The following RP1 variants were observed in gnomAD, a reference collection of about 807,000 sequenced individuals.
The protein encoded by RP1 is oxygen-regulated protein 1.
Under a neutral mutation model 14.8 loss-of-function variants are expected in RP1, and 16 were observed. The ratio of observed to expected loss-of-function variants is 1.08; its 90% CI spans 0.73 to 1.65. The LOEUF (loss-of-function observed/expected upper bound fraction) is 1.65. Ranked by LOEUF, RP1 falls within the 40% of genes most tolerant of loss-of-function variation. The probability of loss-of-function intolerance (pLI) is 0.00; values close to 1 mark genes in which losing one functional copy is unlikely to be tolerated. For synonymous variants in RP1, 876 were observed against 883.6 expected, an observed-to-expected ratio of 0.99 and a Z score of 0.15; for missense variants, 2,631 against 2,535.0, an observed-to-expected ratio of 1.04 and a Z score of -0.81.
At chr8:54,825,467 T>C (rs565244249) in intron 24 of RP1, among the ~76,000 whole-genome samples, 1 of 152,280 alleles carries the variant, frequency 6.6e-6, no homozygotes, top group African/African-American at 2.4e-5. Flanking sequence ...AGTGATAAAT[T>C]GGGCTTCATC....
chr8:54,778,311 G>GCTT (rs1444824215), intron 23 of RP1, among the ~76,000 whole-genome samples: 2 of 133,482 alleles, frequency 1.5e-5, no homozygotes, highest in African/African-American at 5.5e-5. Context: ...GTTTGTTAAT[G>GCTT]CTTCTTCTTC....
At chr8:54,603,945 C>T (rs7813766) in intron 1 of RP1, among the ~76,000 whole-genome samples, 43,685 of 151,822 alleles carry the variant, frequency 0.29, 7,666 homozygotes, top group Middle Eastern at 0.48. Flanking sequence ...GGGACTGAGA[C>T]GATGGGGTTT....
intron 1 of RP1, among the ~76,000 whole-genome samples, chr8:54,605,717 G>T (rs1334599260): frequency 6.6e-6 from 1 of 152,114 alleles, no homozygotes; most frequent in African/African-American, 2.4e-5. Flanking sequence ...ATGAATCTGG[G>T]TGCTCCTGTA....
At chr8:54,714,654 T>C (rs1469522746) in intron 15 of RP1, among the ~76,000 whole-genome samples, 2 of 152,096 alleles carry the variant, frequency 1.3e-5, no homozygotes, top group Non-Finnish European at 2.9e-5. Flanking sequence ...CTCCAAAAAT[T>C]TGGGGGAGGT....
intron 1 of RP1, among the ~76,000 whole-genome samples, chr8:54,603,848 T>G (rs1252135638): frequency 6.6e-6 from 1 of 152,218 alleles, no homozygotes; most frequent in Non-Finnish European, 1.5e-5. Flanking sequence ...TTGTCTGTTA[T>G]TGGTGTATAA....
At chr8:54,633,375 T>C (rs1806285751), downstream of RP1, among the ~76,000 whole-genome samples, 3 of 152,082 alleles carry the variant, frequency 2.0e-5, no homozygotes, top group South Asian at 2.1e-4. Flanking sequence ...GTTCAGTGGA[T>C]AGGGGTAATT....
chr8:54,809,731 T>C (rs533895437), intron 24 of RP1, among the ~76,000 whole-genome samples: 3 of 152,232 alleles, frequency 2.0e-5, no homozygotes, highest in Admixed American at 1.3e-4. Flanking sequence ...AAGGACTACA[T>C]GCATGCCATT....
intron 1 of RP1, among the ~76,000 whole-genome samples, chr8:54,602,239 A>C (rs1444123570): frequency 6.6e-6 from 1 of 151,418 alleles, no homozygotes; most frequent in Non-Finnish European, 1.5e-5. Context: ...TTCTGTGTCC[A>C]TGTGTTCTCA....
Position 54,852,625 on chromosome 8 carries a change from CAG to C in RP1, c.3890_3891del (p.Glu1297ValfsTer2), listed in dbSNP as rs1563396543. On this transcript the variant is annotated frameshift_variant, in exon 26 of 29. Coordinates refer to the RP1 transcript ENST00000637698. LOFTEE classifies it high-confidence loss of function. The stretch of plus-strand genomic sequence containing the variant: ...ACAGGCACAATGACAGGTGCAGAAA[CAG>C]AGTCTAATGTATTTATCAACCTCAT... 4.1e-6 allele frequency: 5 copies of C among 1,231,890 alleles called. No individual in the cohort carries two copies. The East Asian group carries it at 9.5e-5, about 23-fold the overall frequency. The allele number at this position is 1,231,890 out of a possible 1,614,324, so 76.3% of individuals were successfully genotyped here. A position where few individuals can be genotyped will look rare whatever the true frequency, so the allele number is the denominator to read the frequency against.
chr8:54,619,327 T>C (rs1035868014), intron 1 of RP1, among the ~76,000 whole-genome samples: 9 of 152,192 alleles, frequency 5.9e-5, no homozygotes, highest in African/African-American at 1.7e-4. Flanking sequence ...AACATTTAAG[T>C]AGATAATTTG....
intron 1 of RP1, among the ~76,000 whole-genome samples, chr8:54,603,905 C>T (rs1380246814): frequency 6.6e-6 from 1 of 152,160 alleles, no homozygotes; most frequent in Non-Finnish European, 1.5e-5. Flanking sequence ...TGAGACTTTG[C>T]TGAAGTTGCC....
rs1806077029 is a variant in RP1, at chr8:54,626,976, A to G, written c.3094A>G (p.Asn1032Asp). 6.2e-7 allele frequency: 1 copy of G among 1,613,880 alleles called. No homozygotes were observed. Among genetic ancestry groups the G allele is most frequent in the African/African-American group, 1.3e-5 (1 of 74,904 alleles). The change falls in exon 4 of 4, where the codon AAT becomes GAT. Residue 1032 changes from asparagine to aspartate, a missense_variant. Physicochemically the swap from Asn to Asp is conservative, Grantham distance 23. Transcript: ENST00000220676. ...CTGTACTTTGTCACAGTCAGCTATTAATGATCATAATACTAAAAGTCATAT... is the reference window on the plus strand; with the variant it reads ...CTGTACTTTGTCACAGTCAGCTATTGATGATCATAATACTAAAAGTCATAT... ...EHCTLSQSAINDHNTKSHIAA... is the reference protein window; with the variant it reads ...EHCTLSQSAIDDHNTKSHIAA...
intron 24 of RP1, among the ~76,000 whole-genome samples, chr8:54,835,045 C>T (rs772941777): frequency 5.3e-5 from 8 of 152,102 alleles, no homozygotes; most frequent in Non-Finnish European, 1.0e-4. Flanking sequence ...AAAAATACTA[C>T]AGTTTCATGT....
chr8:54,801,929 A>G (rs1398532120), intron 24 of RP1, among the ~76,000 whole-genome samples: 2 of 152,182 alleles, frequency 1.3e-5, no homozygotes, highest in Non-Finnish European at 2.9e-5. Flanking sequence ...TCTTTGTTGT[A>G]AAAGTGACTC....
At position 54,665,354 on chromosome 8, in the gene RP1, A is replaced by G. The variant is rs148149942; in HGVS notation, c.1323+1504A>G. ...AATAGACCTCACTGATCAACTTGGC[A>G]GAGATTAAGTGCCTCTCAAACTTTT... is the stretch of plus-strand genomic sequence containing the variant. On this transcript the variant is annotated intron_variant, in intron 7 of 22. Coordinates refer to the RP1 transcript ENST00000636932. 1.3e-3 allele frequency among the ~76,000 whole-genome samples: 197 copies of G among 152,250 alleles called. 1 individual carries two copies. The highest frequency in any genetic ancestry group is 2.5e-3 in the East Asian group (13 of 5,180).
chr8:54,735,764 T>C lies in RP1; in HGVS notation c.2721+1020T>C, dbSNP rs78990487. 8.7e-3 allele frequency among the ~76,000 whole-genome samples: 1,324 copies of C among 152,304 alleles called. 22 individuals are homozygous for C. The highest frequency in any genetic ancestry group is 0.03 in the African/African-American group (1,248 of 41,550). On this transcript the variant is annotated intron_variant, in intron 18 of 22. Coordinates refer to the RP1 transcript ENST00000636932. ...ATTTCAAAAGATTATTTGAAGATAA[T>C]TGTTTAGAATTCAGAATGTGTATGT...
downstream of RP1, among the ~76,000 whole-genome samples, chr8:54,634,911 C>A (rs552740983): frequency 6.6e-6 from 1 of 152,166 alleles, no homozygotes; most frequent in East Asian, 1.9e-4. Flanking sequence ...GAAACTCCAT[C>A]TCTACTAAAA....
At chr8:54,764,159 G>A (rs1809709195) in intron 22 of RP1, among the ~76,000 whole-genome samples, 1 of 152,194 alleles carries the variant, frequency 6.6e-6, no homozygotes. Flanking sequence ...GCAGGCAGGT[G>A]AGGCAGGCCT....
chr8:54,679,907 C>T, exon 12 of RP1: 2 of 1,535,964 alleles, frequency 1.3e-6, no homozygotes, highest in South Asian at 1.2e-5. Flanking sequence ...ACAGTTGACG[C>T]CATTGGAGAG....
Sources: gnomAD v4.1 joint callset for allele counts (sites outside exome capture counted in the v4.1 genomes callset) on GRCh38, gnomAD v4.1.1 for gene constraint, MANE v1.5 for transcripts, NCBI Gene and HGNC (gene_info 2026-07-23, HGNC 2026-07-21) for gene names.